Variants in TRA2A observed in about 807,000 individuals in gnomAD.
The protein encoded by TRA2A is transformer-2 protein homolog alpha.
Under a neutral mutation model 45.7 loss-of-function variants are expected in TRA2A, and 31 were observed. The ratio of observed to expected loss-of-function variants is 0.68; its 90% CI spans 0.51 to 0.92. The LOEUF is 0.92. TRA2A is among the 40% of genes least tolerant of loss of function. TRA2A has a pLI of 0.00. For synonymous variants in TRA2A, 132 were observed against 126.2 expected (o/e 1.05, Z -0.31); for missense variants, 304 against 367.5 (o/e 0.83, Z 1.41).
rs376715182 is a variant in TRA2A at position 23,510,285 on chromosome 7, C to G, written c.525+2609G>C. The stretch of plus-strand genomic sequence containing the variant: ...CTAAAAGGAACTTCTAATCCTGCCA[C>G]TAAGTAACTGCTCCTGTCTTTAAAG... On this transcript the variant is annotated intron_variant, in intron 4 of 7. Transcript: ENST00000297071. Among the ~76,000 whole-genome samples the G allele has an allele frequency of 2.0e-5, 3 of 152,288 alleles. No homozygotes were observed. The East Asian group carries it at 5.8e-4, about 29-fold the overall frequency.
chr7:23,521,738 C>T lies in TRA2A; in HGVS notation c.139G>A (p.Glu47Lys), dbSNP rs1790146007. Residue 47 changes from glutamate to lysine, a missense_variant, in exon 2 of 8, where the codon GAA becomes AAA. By Grantham distance (56) the Glu-to-Lys change is moderately conservative (BLOSUM62 1). Transcript: ENST00000297071. ...RSPSRVSKHSESHSRSRSKSR... is the reference protein window; with the variant it reads ...RSPSRVSKHSKSHSRSRSKSR... ...TTTGATCTTGATCGAGAATGGGATTCAGAGTGTTTGGAAACCCTTGATGGA... is the reference window on the plus strand; with the variant it reads ...TTTGATCTTGATCGAGAATGGGATTTAGAGTGTTTGGAAACCCTTGATGGA... The T allele has an allele frequency of 6.2e-7, 1 of 1,614,018 alleles. No individual in the cohort carries two copies. Among genetic ancestry groups the T allele is most frequent in the Admixed American group, 1.7e-5 (1 of 59,992 alleles).
At chr7:23,512,211 G>C (rs1422236026) in intron 4 of TRA2A, among the ~76,000 whole-genome samples, 1 of 152,164 alleles carries the variant, frequency 6.6e-6, no homozygotes, top group Non-Finnish European at 1.5e-5. Flanking sequence ...AATTAGAAAG[G>C]ACACAACAGG....
intron 4 of TRA2A, among the ~76,000 whole-genome samples, chr7:23,509,844 G>A (rs948638938): frequency 2.6e-5 from 4 of 151,926 alleles, no homozygotes; most frequent in Non-Finnish European, 2.9e-5. Flanking sequence ...GGGCAATGGG[G>A]CAAAACCCCG....
At chr7:23,518,017 C>A (rs902435025) in intron 2 of TRA2A, among the ~76,000 whole-genome samples, 41 of 152,026 alleles carry the variant, frequency 2.7e-4, no homozygotes, top group Non-Finnish European at 5.4e-4. Flanking sequence ...CAGCTCACTG[C>A]AACCTCTCTC....
chr7:23,517,503 A>AAAAAAAAAAAAGAG lies in TRA2A; in HGVS notation c.171-976_171-975insCTCTTTTTTTTTTT, dbSNP rs764849438. 3.3e-4 allele frequency among the ~76,000 whole-genome samples: 38 copies of AAAAAAAAAAAAGAG among 116,238 alleles called. 1 individual carries two copies. In the East Asian group the frequency reaches 4.7e-3, roughly 14 times the overall value. The allele number at this position is 116,238 out of a possible 152,430, so 76.3% of individuals were successfully genotyped here. A position where few individuals can be genotyped will look rare whatever the true frequency, so the allele number is the denominator to read the frequency against. On this transcript the variant is annotated intron_variant, in intron 2 of 7. Coordinates refer to ENST00000297071, the MANE Select transcript of TRA2A (RefSeq NM_013293.5). ...AAAAAAAAAAAAAAAAAAAAAAAAA[A>AAAAAAAAAAAAGAG]AGAGAGAAAGAAAGAAAAATCACTT...
In TRA2A at chr7:23,504,913, C is replaced by G. The variant is rs539102218; in HGVS notation, c.*646G>C. 3 of 152,658 alleles carry G rather than the reference C, an allele frequency of 2.0e-5. No individual in the cohort carries two copies. In the South Asian group the frequency reaches 6.2e-4, roughly 32 times the overall value. 9.5% of individuals were successfully genotyped at this position (152,658 alleles called of 1,614,324 possible). On this transcript the variant is annotated 3_prime_UTR_variant, in exon 8 of 8. Coordinates refer to ENST00000297071, the MANE Select transcript of TRA2A (RefSeq NM_013293.5). ...TCTAACAGCGAATTATACAACTGCTCTAGGTAATAAATAAGGGTTGTCCTT... is the reference window on the plus strand; with the variant it reads ...TCTAACAGCGAATTATACAACTGCTGTAGGTAATAAATAAGGGTTGTCCTT...
chr7:23,513,596 C>T (rs1157519147), intron 3 of TRA2A, among the ~76,000 whole-genome samples: 1 of 150,594 alleles, frequency 6.6e-6, no homozygotes, highest in Non-Finnish European at 1.5e-5. Context: ...CCAGCCTAGG[C>T]GACAAGAGTG....
chr7:23,516,533 G>A lies in TRA2A; in HGVS notation c.171-5C>T. 2 of 1,613,622 alleles carry A rather than the reference G, an allele frequency of 1.2e-6. No homozygotes were observed. The highest frequency in any genetic ancestry group is 8.5e-7 in the Non-Finnish European group (1 of 1,179,682). The stretch of plus-strand genomic sequence containing the variant: ...GAATGTCTCCTTGACCTCGACCTTT[G>A]AGAGAAATACATTTAGGTAAAAATA... On this transcript the variant is annotated splice_region_variant and splice_polypyrimidine_tract_variant and intron_variant, in intron 2 of 7. Coordinates refer to ENST00000297071, the MANE Select transcript of TRA2A (RefSeq NM_013293.5).
At chr7:23,526,449 G>A (rs1287716862) in intron 1 of TRA2A, among the ~76,000 whole-genome samples, 1 of 152,116 alleles carries the variant, frequency 6.6e-6, no homozygotes, top group East Asian at 1.9e-4. Flanking sequence ...ACACACTAGT[G>A]CATTGAGGAA....
chr7:23,509,883 G>A (rs1037141579), intron 4 of TRA2A, among the ~76,000 whole-genome samples: 5 of 151,894 alleles, frequency 3.3e-5, no homozygotes, highest in South Asian at 2.1e-4. Context: ...AAAATTAGCC[G>A]GGCATGGTGG....
At chr7:23,529,641 T>C (rs1303647250) in intron 1 of TRA2A, among the ~76,000 whole-genome samples, 1 of 152,168 alleles carries the variant, frequency 6.6e-6, no homozygotes, top group Non-Finnish European at 1.5e-5. Flanking sequence ...ATAAAGACAA[T>C]TATCTCATCC....
At chr7:23,521,423 C>T (rs919536052) in intron 2 of TRA2A, among the ~76,000 whole-genome samples, 2 of 152,074 alleles carry the variant, frequency 1.3e-5, no homozygotes, top group African/African-American at 4.8e-5. Context: ...ATTAATTGGG[C>T]TGGGAGATGA....
chr7:23,517,183 G>T (rs1026189793), intron 2 of TRA2A, among the ~76,000 whole-genome samples: 3 of 151,396 alleles, frequency 2.0e-5, no homozygotes, highest in Non-Finnish European at 2.9e-5. Flanking sequence ...GAAAGATGAA[G>T]CAAGAAAAAT....
chr7:23,518,677 T>G (rs1032209229), intron 2 of TRA2A, among the ~76,000 whole-genome samples: 1 of 75,106 alleles, frequency 1.3e-5, no homozygotes, highest in African/African-American at 5.8e-5. Flanking sequence ...CATTTCTTGT[T>G]TTTTTTTTTT....
At chr7:23,531,595 G>A (rs1016691415) in intron 1 of TRA2A, 194 bp downstream of exon 1, 25 of 618,966 alleles carry the variant, frequency 4.0e-5, no homozygotes, top group Non-Finnish European at 5.9e-5. Flanking sequence ...CAAAAAAGGG[G>A]GAGGGGTGTT....
At position 23,505,585 on chromosome 7, in the gene TRA2A, C is replaced by CAAAAAAAAAAAAAAAAAAA. The variant is rs5882904; in HGVS notation, c.839-35_839-17dup. 2.8e-4 allele frequency: 69 copies of CAAAAAAAAAAAAAAAAAAA among 244,964 alleles called. No individual in the cohort carries two copies. Among genetic ancestry groups the CAAAAAAAAAAAAAAAAAAA allele is most frequent in the South Asian group, 1.0e-3 (10 of 9,812 alleles). 15.2% of individuals were successfully genotyped at this position (244,964 alleles called of 1,614,324 possible). ...CAATAGCGTCCTAAAAGAGAAAAAG[C>CAAAAAAAAAAAAAAAAAAA]AAAAAAAAAAAAAAAAAAAAAAAGT... On this transcript the variant is annotated splice_polypyrimidine_tract_variant and intron_variant, in intron 7 of 7. Coordinates refer to ENST00000297071, the MANE Select transcript of TRA2A (RefSeq NM_013293.5).
At chr7:23,508,861 G>A (rs1035753442) in intron 4 of TRA2A, among the ~76,000 whole-genome samples, 3 of 152,014 alleles carry the variant, frequency 2.0e-5, no homozygotes, top group African/African-American at 7.2e-5. Context: ...GTGGCCTCAA[G>A]TGGCCTTCCC....
rs766465878 is a variant in TRA2A at position 23,521,833 on chromosome 7, C to T, written c.44G>A (p.Arg15His). The T allele has an allele frequency of 3.7e-6, 6 of 1,613,936 alleles. No individual in the cohort carries two copies. Among genetic ancestry groups the T allele is most frequent in the Admixed American group, 1.7e-5 (1 of 59,972 alleles). The change falls in exon 2 of 8, where the codon CGC becomes CAC. Residue 15 changes from arginine (R) to histidine (H), a missense_variant. By Grantham distance (29) the Arg-to-His change is conservative. Coordinates refer to ENST00000297071, the MANE Select transcript of TRA2A (RefSeq NM_013293.5). ...TCCCGTTGGAGATTTTGACTGAGAG[C>T]GAGACTCCTAACAAAGAAGACAGTA... ...EENNFEGRESRSQSKSPTGTP... is the reference protein window; with the variant it reads ...EENNFEGRESHSQSKSPTGTP...
At chr7:23,515,420 AGGGTTTCACC>A (rs1371207573) in intron 3 of TRA2A, among the ~76,000 whole-genome samples, 1 of 151,866 alleles carries the variant, frequency 6.6e-6, no homozygotes, top group East Asian at 1.9e-4. Flanking sequence ...TAGTAGAGAC[AGGGTTTCACC>A]GTGGTCTCGA....
Sources: allele counts gnomAD v4.1 joint callset (sites outside exome capture counted in the v4.1 genomes callset), GRCh38; gene constraint gnomAD v4.1.1; transcripts MANE v1.5; gene names NCBI Gene and HGNC (gene_info 2026-07-23, HGNC 2026-07-21).